The following VGLL4 variants were observed in gnomAD, a reference collection of about 807,000 sequenced individuals.
VGLL4 encodes the protein transcription cofactor vestigial-like protein 4.
In VGLL4, 7 loss-of-function variants were observed where a neutral mutation model predicts 21.0. The ratio of observed to expected loss-of-function variants is 0.33; its 90% CI spans 0.19 to 0.63. The LOEUF is 0.63. VGLL4 is among the 20% of genes least tolerant of loss of function. The probability of loss-of-function intolerance (pLI) is 0.78; values close to 1 mark genes in which losing one functional copy is unlikely to be tolerated. For synonymous variants in VGLL4, 222 were observed against 173.2 expected, an observed-to-expected ratio of 1.28 and a Z score of -2.21; for missense variants, 394 against 425.7, an observed-to-expected ratio of 0.93 and a Z score of 0.66.
intron 2 of VGLL4, among the ~76,000 whole-genome samples, chr3:11,572,391 A>G (rs1295392654): frequency 6.6e-6 from 1 of 152,220 alleles, no homozygotes; most frequent in Non-Finnish European, 1.5e-5. Context: ...AGGAAAATAC[A>G]AAGACTCGTG....
intron 2 of VGLL4, among the ~76,000 whole-genome samples, chr3:11,580,105 A>G (rs2074183727): frequency 6.6e-6 from 1 of 152,196 alleles, no homozygotes; most frequent in Non-Finnish European, 1.5e-5. Flanking sequence ...TGTGCCGCCA[A>G]CCGCACCATC....
intron 1 of VGLL4, among the ~76,000 whole-genome samples, chr3:11,629,920 G>A (rs952846140): frequency 6.6e-6 from 1 of 152,150 alleles, no homozygotes; most frequent in Non-Finnish European, 1.5e-5. Flanking sequence ...CAGGCCAGTG[G>A]TTGGATGAAT....
chr3:11,578,526 T>C (rs2074123570), intron 2 of VGLL4, among the ~76,000 whole-genome samples: 1 of 150,762 alleles, frequency 6.6e-6, no homozygotes. Context: ...TATTCAGCAC[T>C]AAATAAAAAT....
At chr3:11,574,943 C>T (rs2073991714) in intron 2 of VGLL4, among the ~76,000 whole-genome samples, 1 of 151,972 alleles carries the variant, frequency 6.6e-6, no homozygotes, top group Non-Finnish European at 1.5e-5. Context: ...AGCTTGTCGG[C>T]CGAGTTACCA....
At chr3:11,664,535 A>G (rs1418956223) in intron 2 of VGLL4, among the ~76,000 whole-genome samples, 3 of 152,216 alleles carry the variant, frequency 2.0e-5, no homozygotes, top group East Asian at 1.9e-4. Flanking sequence ...TTCTGTGAAT[A>G]GTTTACTTCA....
chr3:11,613,712 G>T (rs1358655498), intron 1 of VGLL4, among the ~76,000 whole-genome samples: 2 of 152,130 alleles, frequency 1.3e-5, no homozygotes. Flanking sequence ...TACCGTGAGG[G>T]ATTTCTATGC....
At chr3:11,656,132 T>C (rs1422461309) in intron 2 of VGLL4, among the ~76,000 whole-genome samples, 1 of 152,164 alleles carries the variant, frequency 6.6e-6, no homozygotes, top group African/African-American at 2.4e-5. Context: ...CTGAAGCACA[T>C]GGTCTATTGC....
At chr3:11,664,959 C>T (rs2076094732) in intron 2 of VGLL4, among the ~76,000 whole-genome samples, 1 of 151,944 alleles carries the variant, frequency 6.6e-6, no homozygotes, top group South Asian at 2.1e-4. Context: ...TAAGGTCTGG[C>T]TCTATCACCC....
At chr3:11,643,405 A>C (rs1575488146) in intron 1 of VGLL4, 32 bp downstream of exon 1, 4 of 1,613,950 alleles carry the variant, frequency 2.5e-6, no homozygotes, top group Non-Finnish European at 3.4e-6. Flanking sequence ...CGGGACGAGC[A>C]ACGGGCAGTA....
intron 2 of VGLL4, among the ~76,000 whole-genome samples, chr3:11,570,370 G>T (rs528934348): frequency 6.6e-6 from 1 of 152,090 alleles, no homozygotes; most frequent in African/African-American, 2.4e-5. Flanking sequence ...CGGAGATGCC[G>T]GCCACCAAGG....
rs552890733 is a variant in VGLL4 at position 11,601,226 on chromosome 3, A to C, written c.272+607T>G. Among the ~76,000 whole-genome samples, 3 of 152,360 alleles carry C rather than the reference A, an allele frequency of 2.0e-5. No individual in the cohort carries two copies. In the South Asian group the frequency reaches 6.2e-4, roughly 32 times the overall value. ...CAAAGAGTTGAAGCAATTCATGTCAAGAAGGTAGACAGTGTCAGTGGCAGA... is the reference window on the plus strand; with the variant it reads ...CAAAGAGTTGAAGCAATTCATGTCACGAAGGTAGACAGTGTCAGTGGCAGA... On this transcript the variant is annotated intron_variant, in intron 2 of 4. Transcript: ENST00000430365.
At chr3:11,587,982 G>A (rs2125237945) in intron 2 of VGLL4, among the ~76,000 whole-genome samples, 1 of 152,342 alleles carries the variant, frequency 6.6e-6, no homozygotes, top group South Asian at 2.1e-4. Flanking sequence ...CAAGAGCTTA[G>A]CAGGGAAAGG....
intron 1 of VGLL4, among the ~76,000 whole-genome samples, chr3:11,630,352 T>A (rs1171881481): frequency 1.3e-5 from 2 of 152,100 alleles, no homozygotes; most frequent in Non-Finnish European, 2.9e-5. Flanking sequence ...TGGTAAAGAT[T>A]TAGAGTTCCT....
At chr3:11,712,420 GATTTT>G (rs532784701) in intron 1 of VGLL4, among the ~76,000 whole-genome samples, 80 of 152,282 alleles carry the variant, frequency 5.3e-4, no homozygotes, top group African/African-American at 1.8e-3. Flanking sequence ...GAGAGAAACA[GATTTT>G]ATTAGTCTAC....
intron 1 of VGLL4, among the ~76,000 whole-genome samples, chr3:11,705,967 A>C (rs1401493673): frequency 1.3e-5 from 2 of 152,170 alleles, no homozygotes; most frequent in African/African-American, 4.8e-5. Context: ...GTAACTGCTG[A>C]TAAGCATCCT....
chr3:11,568,966 G>C lies in VGLL4; in HGVS notation c.273-3947C>G, dbSNP rs2073663127. ...CACGGAGAGAAAGATGGAAAGAGGA[G>C]GGAGGGAAAGAGAGGCCTACAACAC... On this transcript the variant is annotated intron_variant, in intron 2 of 4. Coordinates refer to ENST00000430365, the MANE Select transcript of VGLL4 (RefSeq NM_001128219.3). This position sits in a 1 kb window ranked among gnomAD's most constrained non-coding sequence, Gnocchi z 5.9. The C allele has an allele frequency of 8.5e-7, 1 of 1,179,162 alleles. No homozygotes were observed. The highest frequency in any genetic ancestry group is 1.1e-6 in the Non-Finnish European group (1 of 946,064). 73.0% of individuals were successfully genotyped at this position (1,179,162 alleles called of 1,614,324 possible).
At chr3:11,700,589 A>G (rs1283800535) in intron 2 of VGLL4, among the ~76,000 whole-genome samples, 1 of 152,046 alleles carries the variant, frequency 6.6e-6, no homozygotes, top group Non-Finnish European at 1.5e-5. Flanking sequence ...GCCTGACACG[A>G]TGTCCTCCTA....
At chr3:11,691,292 T>C (rs1437684669) in intron 2 of VGLL4, among the ~76,000 whole-genome samples, 1 of 151,164 alleles carries the variant, frequency 6.6e-6, no homozygotes, top group Non-Finnish European at 1.5e-5. Context: ...CTCACTCACA[T>C]GGAATTTTAA....
chr3:11,720,306 C>T (rs1461538862), intron 1 of VGLL4: 1 of 152,042 alleles, frequency 6.6e-6, no homozygotes, highest in Non-Finnish European at 1.5e-5. Flanking sequence ...CGCGGCGCAC[C>T]TTCCGTCCCC....
Sources: allele counts gnomAD v4.1 joint callset (sites outside exome capture counted in the v4.1 genomes callset), GRCh38; gene constraint gnomAD v4.1.1; non-coding constraint Gnocchi (gnomAD v3.1); transcripts MANE v1.5; gene names NCBI Gene and HGNC (gene_info 2026-07-23, HGNC 2026-07-21).